The following LARGE1 variants were observed in gnomAD, a reference collection of about 807,000 sequenced individuals.
The protein encoded by LARGE1 is LARGE xylosyl- and glucuronyltransferase 1.
In LARGE1, 43 loss-of-function variants were observed where a neutral mutation model predicts 87.6. That is an observed-to-expected ratio of 0.49 (90% CI 0.38 to 0.63). The LOEUF (loss-of-function observed/expected upper bound fraction) is 0.63, where lower values mean the gene tolerates loss of function less well. Ranked by LOEUF, LARGE1 falls within the 30% of genes least tolerant of loss-of-function variation. LARGE1 has a pLI of 0.00. For synonymous variants in LARGE1, 434 were observed against 394.6 expected, an observed-to-expected ratio of 1.10 and a Z score of -1.18; for missense variants, 802 against 1,000.2, an observed-to-expected ratio of 0.80 and a Z score of 2.67.
chr22:33,413,217 T>C (rs2066373228), intron 7 of LARGE1, among the ~76,000 whole-genome samples: 1 of 152,166 alleles, frequency 6.6e-6, no homozygotes, highest in African/African-American at 2.4e-5. Flanking sequence ...ACTGGCAATG[T>C]CTATAGTGGA....
At chr22:33,271,449 C>T (rs552338132), downstream of LARGE1, among the ~76,000 whole-genome samples, 226 of 152,178 alleles carry the variant, frequency 1.5e-3, no homozygotes, top group Non-Finnish European at 2.6e-3. Flanking sequence ...TCATGCCTGC[C>T]AAAGGCTTCT....
Position 33,572,009 on chromosome 22 carries a change from G to A in LARGE1, c.616-6990C>T, listed in dbSNP as rs2078219140. ...CATTCCTGGCTTCCAAATCTCTCCA[G>A]GCCTTAATTTTCTCACCTGTAAAAA... is the stretch of plus-strand genomic sequence containing the variant. On this transcript the variant is annotated intron_variant, in intron 5 of 14. Coordinates refer to ENST00000397394, the MANE Select transcript of LARGE1 (RefSeq NM_133642.5). The A allele has an allele frequency of 5.9e-6, 2 of 340,774 alleles. 1 individual carries two copies. Among genetic ancestry groups the A allele is most frequent in the African/African-American group, 4.4e-5 (2 of 45,536 alleles). 21.1% of individuals were successfully genotyped at this position (340,774 alleles called of 1,614,324 possible).
intron 6 of LARGE1, among the ~76,000 whole-genome samples, chr22:33,488,921 T>C (rs1262590572): frequency 2.0e-5 from 3 of 152,196 alleles, no homozygotes; most frequent in Non-Finnish European, 4.4e-5. Context: ...CACAAAGCAC[T>C]CCTTTCCCTG....
chr22:33,632,886 T>C (rs1248629644), intron 3 of LARGE1, among the ~76,000 whole-genome samples: 3 of 152,202 alleles, frequency 2.0e-5, no homozygotes, highest in South Asian at 2.1e-4. Flanking sequence ...TAATGAACCA[T>C]AAAAGCTCTT....
rs546540322 is a variant in LARGE1 at position 33,406,030 on chromosome 22, T to C, written c.893-21726A>G. ...CCTCAGTCTTATCCAATCAGTAGTA[T>C]AGATTCAATCCAAAGAACTTGGAAA... is the stretch of plus-strand genomic sequence containing the variant. On this transcript the variant is annotated intron_variant, in intron 7 of 14. Transcript: ENST00000397394. Among the ~76,000 whole-genome samples, 35 of 152,308 alleles carry C rather than the reference T, an allele frequency of 2.3e-4. No homozygotes were observed. The South Asian group carries it at 6.8e-3, about 30-fold the overall frequency.
At chr22:33,570,295 G>C (rs1356505983) in intron 5 of LARGE1, among the ~76,000 whole-genome samples, 1 of 152,100 alleles carries the variant, frequency 6.6e-6, no homozygotes, top group Non-Finnish European at 1.5e-5. Flanking sequence ...TCAGAATTTG[G>C]GGCATGATAA....
intron 11 of LARGE1, among the ~76,000 whole-genome samples, chr22:33,307,900 C>T (rs372712979): frequency 2.6e-5 from 4 of 151,968 alleles, no homozygotes; most frequent in South Asian, 2.1e-4. Context: ...GGGTCGTCCC[C>T]GTGCAGTTCT....
intron 7 of LARGE1, among the ~76,000 whole-genome samples, chr22:33,417,793 G>A (rs560255776): frequency 6.6e-6 from 1 of 152,266 alleles, no homozygotes; most frequent in Admixed American, 6.5e-5. Flanking sequence ...TCAATCAAAT[G>A]GGAGCCACTC....
At chr22:33,484,455 T>C (rs1347685907) in intron 6 of LARGE1, among the ~76,000 whole-genome samples, 1 of 152,162 alleles carries the variant, frequency 6.6e-6, no homozygotes, top group Non-Finnish European at 1.5e-5. Context: ...GATGATCAAT[T>C]TCCTCTTTTC....
chr22:33,141,853 T>A, the LARGE1 span, among the ~76,000 whole-genome samples: 53 of 152,326 alleles, frequency 3.5e-4, no homozygotes, highest in Non-Finnish European at 5.3e-4. Flanking sequence ...TTCTACTGAC[T>A]ACTTTTACTC....
chr22:33,889,126 T>C (rs546005733), intron 1 of LARGE1: 16 of 152,354 alleles, frequency 1.1e-4, no homozygotes, highest in African/African-American at 3.8e-4. Flanking sequence ...CACCTGCCCC[T>C]AAAATTCTTA....
chr22:33,837,204 A>G (rs2063133439), intron 1 of LARGE1, among the ~76,000 whole-genome samples: 1 of 151,818 alleles, frequency 6.6e-6, no homozygotes, highest in Admixed American at 6.6e-5. Context: ...AGTGAAATTT[A>G]ATTTTCACAT....
chr22:33,917,043 A>G (rs1345370364), intron 1 of LARGE1, among the ~76,000 whole-genome samples: 1 of 152,206 alleles, frequency 6.6e-6, no homozygotes, highest in African/African-American at 2.4e-5. Context: ...GTATGGGTAA[A>G]GGGTCACAAA....
chr22:33,662,113 A>ATAG (rs2081144036), intron 2 of LARGE1, among the ~76,000 whole-genome samples: 1 of 148,236 alleles, frequency 6.7e-6, no homozygotes, highest in Admixed American at 6.7e-5. Flanking sequence ...AAAGAATCTC[A>ATAG]TAGTGTTTTC....
chr22:33,184,103 T>TA (rs71187247), intron 11 of LARGE1, among the ~76,000 whole-genome samples: 3 of 142,248 alleles, frequency 2.1e-5, no homozygotes, highest in Non-Finnish European at 3.1e-5. Context: ...TATATATATA[T>TA]CATATCTTTA....
At chr22:33,565,522 A>G (rs1471260778) in intron 5 of LARGE1, among the ~76,000 whole-genome samples, 1 of 152,186 alleles carries the variant, frequency 6.6e-6, no homozygotes, top group African/African-American at 2.4e-5. Flanking sequence ...CTGTAATTGA[A>G]TAGATTACTA....
intron 12 of LARGE1, among the ~76,000 whole-genome samples, chr22:33,302,560 C>T (rs9621675): frequency 0.051 from 7,801 of 152,202 alleles, 245 homozygotes; most frequent in African/African-American, 0.086. Context: ...GCTAAACCTA[C>T]GCTTTGGCTT....
At chr22:33,152,846 T>C in the LARGE1 span, among the ~76,000 whole-genome samples, 1 of 152,156 alleles carries the variant, frequency 6.6e-6, no homozygotes, top group Non-Finnish European at 1.5e-5. Context: ...TTGTGCTCTA[T>C]TTTGTTGTTT....
intron 1 of LARGE1, among the ~76,000 whole-genome samples, chr22:33,814,575 A>T (rs62227778): frequency 0.072 from 10,907 of 152,232 alleles, 513 homozygotes; most frequent in Admixed American, 0.11. Context: ...AAGAGGAAAA[A>T]CTGAGTTTTC....
Sources: gnomAD v4.1 joint callset for allele counts (sites outside exome capture counted in the v4.1 genomes callset) on GRCh38, gnomAD v4.1.1 for gene constraint, MANE v1.5 for transcripts, NCBI Gene and HGNC (gene_info 2026-07-23, HGNC 2026-07-21) for gene names.